TENM2: variants seen among roughly 807,000 people sequenced by gnomAD.
TENM2 encodes teneurin transmembrane protein 2.
In TENM2, 52 loss-of-function variants were observed where a neutral mutation model predicts 245.2. The observed-to-expected ratio is 0.21, with a 90% CI of 0.17 to 0.27. The LOEUF is 0.27. TENM2 is among the 10% of genes least tolerant of loss of function. TENM2 has a pLI of 1.00. For synonymous variants in TENM2, 1,363 were observed against 1,438.9 expected (o/e 0.95, Z 1.19); for missense variants, 3,046 against 3,666.8 (o/e 0.83, Z 4.37).
At chr5:167,391,709 T>C (rs1401185849) in intron 2 of TENM2, among the ~76,000 whole-genome samples, 1 of 148,378 alleles carries the variant, frequency 6.7e-6, no homozygotes. Flanking sequence ...AGATGAGAAA[T>C]ACTTGAAGAA....
the TENM2 span, among the ~76,000 whole-genome samples, chr5:167,218,889 G>C: frequency 6.6e-6 from 1 of 152,142 alleles, no homozygotes; most frequent in African/African-American, 2.4e-5. Flanking sequence ...AATTATTCCT[G>C]TTTTACAGAT....
intron 2 of TENM2, among the ~76,000 whole-genome samples, chr5:167,641,394 A>C (rs1204513804): frequency 6.6e-6 from 1 of 152,134 alleles, no homozygotes; most frequent in Non-Finnish European, 1.5e-5. Context: ...ATAATTACAA[A>C]GACACTCCTT....
chr5:167,443,237 G>T (rs1479880116), intron 2 of TENM2, among the ~76,000 whole-genome samples: 1 of 152,074 alleles, frequency 6.6e-6, no homozygotes, highest in Non-Finnish European at 1.5e-5. Flanking sequence ...ATGCAGTATG[G>T]CCGGCTTCCT....
Position 167,569,071 on chromosome 5 carries a change from C to T in TENM2, c.502+193598C>T, listed in dbSNP as rs916706899. On this transcript the variant is annotated intron_variant, in intron 2 of 28. Transcript: ENST00000518659. ...GACCGAAATCAATGAGTATCACCTT[C>T]CTACAGCTTTTTTTTTTTTTTTTTT... Among the ~76,000 whole-genome samples the T allele has an allele frequency of 6.9e-5, 9 of 129,768 alleles. No individual in the cohort carries two copies. The East Asian group carries it at 2.0e-3, about 28-fold the overall frequency. The allele number at this position is 129,768 out of a possible 152,430, so 85.1% of individuals were successfully genotyped here.
At chr5:167,928,963 A>C (rs1193460789) in intron 3 of TENM2, among the ~76,000 whole-genome samples, 2 of 148,562 alleles carry the variant, frequency 1.3e-5, no homozygotes, top group Non-Finnish European at 3.0e-5. Context: ...AATAAAAGAA[A>C]TAAAGGGAGG....
intron 2 of TENM2, among the ~76,000 whole-genome samples, chr5:167,457,538 G>T (rs1561972310): frequency 6.6e-6 from 1 of 151,786 alleles, no homozygotes; most frequent in Admixed American, 6.6e-5. Context: ...GTAGAGATGG[G>T]GTTTCTCCAT....
chr5:167,508,504 A>C (rs1769708767), intron 2 of TENM2, among the ~76,000 whole-genome samples: 1 of 152,188 alleles, frequency 6.6e-6, no homozygotes, highest in African/African-American at 2.4e-5. Context: ...CAGTCTTTGA[A>C]GGAAAAACAA....
At chr5:167,374,042 A>G (rs1297330425) in intron 1 of TENM2, among the ~76,000 whole-genome samples, 1 of 152,156 alleles carries the variant, frequency 6.6e-6, no homozygotes, top group African/African-American at 2.4e-5. Context: ...GTTAGCAAAG[A>G]GAGATTCTTT....
intron 5 of TENM2, among the ~76,000 whole-genome samples, chr5:168,030,061 G>A (rs1739701043): frequency 6.6e-6 from 1 of 150,598 alleles, no homozygotes; most frequent in Non-Finnish European, 1.5e-5. Context: ...GGAGCAGGCA[G>A]AATGGACACA....
At chr5:168,255,302 T>C (rs1344958495) in intron 27 of TENM2, among the ~76,000 whole-genome samples, 1 of 152,106 alleles carries the variant, frequency 6.6e-6, no homozygotes, top group Non-Finnish European at 1.5e-5. Context: ...ACACTTCTTT[T>C]TTTTTCTTTT....
the TENM2 span, among the ~76,000 whole-genome samples, chr5:167,247,874 C>T: frequency 1.5e-3 from 235 of 152,048 alleles, 2 homozygotes; most frequent in Middle Eastern, 6.8e-3. Flanking sequence ...TTATTTGATA[C>T]GCTTCTAAAT....
the TENM2 span, among the ~76,000 whole-genome samples, chr5:167,062,038 G>A: frequency 0.015 from 2,348 of 152,010 alleles, 63 homozygotes; most frequent in African/African-American, 0.053. Flanking sequence ...AATAACTAAA[G>A]TAAAAGTGGC....
intron 5 of TENM2, among the ~76,000 whole-genome samples, chr5:168,013,440 C>T (rs1172858517): frequency 6.6e-6 from 1 of 152,078 alleles, no homozygotes; most frequent in Non-Finnish European, 1.5e-5. Context: ...CCCATCTCTA[C>T]TAAATATACA....
chr5:167,708,014 G>A (rs1758651484), intron 2 of TENM2, among the ~76,000 whole-genome samples: 2 of 152,070 alleles, frequency 1.3e-5, no homozygotes, highest in Non-Finnish European at 2.9e-5. Context: ...ATAAGAGCAG[G>A]GCTTACCTCT....
intron 2 of TENM2, among the ~76,000 whole-genome samples, chr5:167,383,384 A>G (rs1761206817): frequency 6.6e-6 from 1 of 152,066 alleles, no homozygotes; most frequent in South Asian, 2.1e-4. Flanking sequence ...CCCTTAAACC[A>G]ATGATGCTGT....
At chr5:167,342,957 T>C in intron 1 of TENM2, among the ~76,000 whole-genome samples, 1 of 151,870 alleles carries the variant, frequency 6.6e-6, no homozygotes, top group East Asian at 1.9e-4. Context: ...TTTACATAAA[T>C]GATTTGGAAT....
At chr5:168,131,949 G>A (rs1754617016) in intron 12 of TENM2, among the ~76,000 whole-genome samples, 1 of 152,112 alleles carries the variant, frequency 6.6e-6, no homozygotes, top group South Asian at 2.1e-4. Context: ...AAAACCTAAA[G>A]CGATGGCCTT....
At chr5:167,155,331 G>T in the TENM2 span, among the ~76,000 whole-genome samples, 1 of 152,048 alleles carries the variant, frequency 6.6e-6, no homozygotes, top group African/African-American at 2.4e-5. Flanking sequence ...TCCACTCCCC[G>T]CCAAAAAATT....
intron 12 of TENM2, among the ~76,000 whole-genome samples, chr5:168,131,776 A>G (rs898836660): frequency 6.6e-6 from 1 of 152,108 alleles, no homozygotes; most frequent in Non-Finnish European, 1.5e-5. Context: ...TTGAGCTTTC[A>G]TGACTCTACA....
Sources: gnomAD v4.1 joint callset for allele counts (sites outside exome capture counted in the v4.1 genomes callset) on GRCh38, gnomAD v4.1.1 for gene constraint, MANE v1.5 for transcripts, NCBI Gene and HGNC (gene_info 2026-07-23, HGNC 2026-07-21) for gene names.